ETV6: variants seen among roughly 807,000 people sequenced by gnomAD.
ETV6 encodes ETS variant transcription factor 6, also known as transcription factor ETV6.
ETV6 carries 16 observed loss-of-function variants against 51.1 expected under a neutral mutation model. The observed-to-expected ratio is 0.31, with a 90% CI of 0.21 to 0.48. The LOEUF (loss-of-function observed/expected upper bound fraction) is 0.48, where lower values mean the gene tolerates loss of function less well. ETV6 is among the 20% of genes least tolerant of loss of function. ETV6 has a pLI of 0.99. For synonymous variants in ETV6, 240 were observed against 224.1 expected (o/e 1.07, Z -0.64); for missense variants, 458 against 594.8 (o/e 0.77, Z 2.39).
intron 1 of ETV6, among the ~76,000 whole-genome samples, chr12:11,711,544 G>C (rs910069766): frequency 3.3e-5 from 5 of 152,200 alleles, no homozygotes; most frequent in African/African-American, 1.2e-4. Flanking sequence ...AGTATATAGA[G>C]ATACTGTTTC....
chr12:11,846,480 C>T (rs929063228), intron 3 of ETV6, among the ~76,000 whole-genome samples: 9 of 152,116 alleles, frequency 5.9e-5, no homozygotes, highest in Admixed American at 2.0e-4. Flanking sequence ...GCAGATGATG[C>T]GAAACATTGA....
intron 1 of ETV6, among the ~76,000 whole-genome samples, chr12:11,676,254 G>T (rs560860040): frequency 2.2e-4 from 33 of 152,280 alleles, no homozygotes; most frequent in African/African-American, 7.9e-4. Context: ...GGAAATGTAG[G>T]AGTTATAGTG....
At chr12:11,846,346 T>G (rs1225598838) in intron 3 of ETV6, among the ~76,000 whole-genome samples, 1 of 152,156 alleles carries the variant, frequency 6.6e-6, no homozygotes, top group Non-Finnish European at 1.5e-5. Context: ...TGTAAGGATA[T>G]GTACATAGCA....
intron 2 of ETV6, among the ~76,000 whole-genome samples, chr12:11,768,620 A>G (rs1009086657): frequency 5.9e-5 from 9 of 152,362 alleles, no homozygotes; most frequent in East Asian, 5.8e-4. Context: ...AAAAAGAAAC[A>G]AAATTAACCT....
intron 2 of ETV6, among the ~76,000 whole-genome samples, chr12:11,818,692 T>C (rs1448103567): frequency 1.3e-5 from 2 of 152,142 alleles, no homozygotes; most frequent in African/African-American, 4.8e-5. Context: ...CCAAGGACAG[T>C]AGAAATGCTA....
intron 2 of ETV6, among the ~76,000 whole-genome samples, chr12:11,756,821 T>G (rs1945015117): frequency 6.6e-6 from 1 of 152,238 alleles, no homozygotes; most frequent in Admixed American, 6.5e-5. Flanking sequence ...CCTCAGACAG[T>G]GATGCTCAGG....
chr12:11,766,671 A>T (rs1945166390), intron 2 of ETV6, among the ~76,000 whole-genome samples: 1 of 151,620 alleles, frequency 6.6e-6, no homozygotes, highest in Non-Finnish European at 1.5e-5. Flanking sequence ...CTTATAGGTT[A>T]TGTGACAGCC....
chr12:11,738,894 G>A (rs904856234), intron 1 of ETV6, among the ~76,000 whole-genome samples: 5 of 152,062 alleles, frequency 3.3e-5, no homozygotes, highest in East Asian at 1.9e-4. Context: ...TTGTGGCTGC[G>A]CAACGTTTTT....
At chr12:11,890,015 C>T (rs1321045323) in intron 7 of ETV6, among the ~76,000 whole-genome samples, 1 of 151,988 alleles carries the variant, frequency 6.6e-6, no homozygotes, top group African/African-American at 2.4e-5. Flanking sequence ...CAGTTTAACC[C>T]ATTGAACAGG....
At chr12:11,824,347 T>TGAGGGCAAGTGGCGTCGAG (rs1270091867) in intron 2 of ETV6, among the ~76,000 whole-genome samples, 1 of 152,142 alleles carries the variant, frequency 6.6e-6, no homozygotes, top group Non-Finnish European at 1.5e-5. Flanking sequence ...CCTATAGTAG[T>TGAGGGCAAGTGGCGTCGAG]GAGGGCAAGT....
At chr12:11,880,238 CAACGTATTTTTATTACTCAGCT>C (rs1397753776) in intron 5 of ETV6, among the ~76,000 whole-genome samples, 1 of 152,120 alleles carries the variant, frequency 6.6e-6, no homozygotes, top group Non-Finnish European at 1.5e-5. Context: ...TCCTGAATGT[CAACGTATTTTTATTACTCAGCT>C]AAAGTTGGCT....
chr12:11,682,705 A>G (rs1483823353), intron 1 of ETV6, among the ~76,000 whole-genome samples: 1 of 151,958 alleles, frequency 6.6e-6, no homozygotes. Context: ...ATAGGTTTTT[A>G]TGGACCTAAA....
chr12:11,866,486 G>A (rs1165146758), intron 4 of ETV6, among the ~76,000 whole-genome samples: 1 of 152,150 alleles, frequency 6.6e-6, no homozygotes, highest in Non-Finnish European at 1.5e-5. Context: ...GAAGAGTATT[G>A]ACTTTTGTTC....
chr12:11,866,491 T>C (rs1035086919), intron 4 of ETV6, among the ~76,000 whole-genome samples: 2 of 152,222 alleles, frequency 1.3e-5, no homozygotes, highest in Non-Finnish European at 2.9e-5. Context: ...GTATTGACTT[T>C]TGTTCTAGGA....
At chr12:11,756,569 G>A (rs1945010792) in intron 2 of ETV6, among the ~76,000 whole-genome samples, 1 of 152,188 alleles carries the variant, frequency 6.6e-6, no homozygotes, top group Admixed American at 6.5e-5. Flanking sequence ...GGGTGCCCAG[G>A]CAAGGTCACT....
chr12:11,786,130 T>C (rs145314588), intron 2 of ETV6, among the ~76,000 whole-genome samples: 1 of 152,304 alleles, frequency 6.6e-6, no homozygotes, highest in Non-Finnish European at 1.5e-5. Flanking sequence ...TATTCCTTCA[T>C]TTTCAATACT....
chr12:11,722,993 C>G (rs1385421128), intron 1 of ETV6, among the ~76,000 whole-genome samples: 3 of 152,182 alleles, frequency 2.0e-5, no homozygotes, highest in Non-Finnish European at 2.9e-5. Context: ...AGGGACCGCA[C>G]TTTAATAACC....
intron 2 of ETV6, among the ~76,000 whole-genome samples, chr12:11,800,817 C>T (rs1945737412): frequency 6.6e-6 from 1 of 152,096 alleles, no homozygotes; most frequent in Non-Finnish European, 1.5e-5. Flanking sequence ...CACCTGTAAT[C>T]CAGCTAATAG....
intron 2 of ETV6, among the ~76,000 whole-genome samples, chr12:11,765,133 C>T (rs759794979): frequency 2.6e-5 from 4 of 152,124 alleles, no homozygotes; most frequent in Non-Finnish European, 2.9e-5. Context: ...TTAAAGCTAC[C>T]CCACAGAAAA....
Sources: allele counts gnomAD v4.1 joint callset (sites outside exome capture counted in the v4.1 genomes callset), GRCh38; gene constraint gnomAD v4.1.1; transcripts MANE v1.5; gene names NCBI Gene and HGNC (gene_info 2026-07-23, HGNC 2026-07-21).